Variants in TRMT10B observed in about 807,000 individuals in gnomAD.
The protein encoded by TRMT10B is tRNA methyltransferase 10 homolog B.
Under a neutral mutation model 43.8 loss-of-function variants are expected in TRMT10B, and 33 were observed. That is an observed-to-expected ratio of 0.75 (90% CI 0.57 to 1.01). The LOEUF (loss-of-function observed/expected upper bound fraction) is 1.01, where lower values mean the gene tolerates loss of function less well. TRMT10B is among the 50% of genes least tolerant of loss of function. The pLI, the probability that TRMT10B is intolerant of heterozygous loss-of-function variation, is 0.00. For missense variants in TRMT10B, 362 were observed against 369.8 expected, an observed-to-expected ratio of 0.98 and a Z score of 0.17; for synonymous variants, 137 against 130.6, an observed-to-expected ratio of 1.05 and a Z score of -0.34.
At chr9:37,754,767 CA>C (rs1297719963) in intron 1 of TRMT10B, among the ~76,000 whole-genome samples, 1 of 152,172 alleles carries the variant, frequency 6.6e-6, no homozygotes, top group Non-Finnish European at 1.5e-5. Flanking sequence ...AATGAATATT[CA>C]GCATCGGACC....
chr9:37,759,832 C>T (rs1253108684), intron 1 of TRMT10B, among the ~76,000 whole-genome samples: 3 of 152,124 alleles, frequency 2.0e-5, no homozygotes, highest in Non-Finnish European at 4.4e-5. Context: ...CAAAAACTTT[C>T]TGCGGTGATG....
chr9:37,773,971 A>C (rs1827859919), intron 7 of TRMT10B, among the ~76,000 whole-genome samples: 1 of 150,166 alleles, frequency 6.7e-6, no homozygotes, highest in South Asian at 2.1e-4. Flanking sequence ...AAAAAAAAAA[A>C]AAACAACAAT....
chr9:37,766,581 T>C (rs972517201), intron 4 of TRMT10B, among the ~76,000 whole-genome samples: 7 of 152,214 alleles, frequency 4.6e-5, no homozygotes, highest in Non-Finnish European at 8.8e-5. Context: ...TGGTTCCATA[T>C]GAACTTTAAA....
intron 7 of TRMT10B, among the ~76,000 whole-genome samples, chr9:37,775,699 A>T (rs1589048647): frequency 1.3e-5 from 2 of 151,776 alleles, no homozygotes; most frequent in East Asian, 3.9e-4. Context: ...ACACCCTGTT[A>T]ATTTTTTTTT....
At position 37,770,740 on chromosome 9, in the gene TRMT10B, G is replaced by C. The variant is rs760234389; in HGVS notation, c.720+1G>C. 2 of 1,613,692 alleles carry C rather than the reference G, an allele frequency of 1.2e-6. No homozygotes were observed. The highest frequency in any genetic ancestry group is 1.7e-6 in the Non-Finnish European group (2 of 1,179,952). On this transcript the variant is annotated splice_donor_variant, in intron 7 of 8. Coordinates refer to ENST00000297994, the MANE Select transcript of TRMT10B (RefSeq NM_144964.4). LOFTEE classifies it high-confidence loss of function. Reference sequence around the variant, plus strand: ...GCTTGTGGATGAAAGCATTCAGAAGGTAAGTATACATTTCAGCCCCAACAT... The same window carrying C: ...GCTTGTGGATGAAAGCATTCAGAAGCTAAGTATACATTTCAGCCCCAACAT...
chr9:37,765,597 T>C (rs1290860253), intron 4 of TRMT10B, among the ~76,000 whole-genome samples: 3 of 152,236 alleles, frequency 2.0e-5, no homozygotes, highest in Admixed American at 2.0e-4. Context: ...TTTGGGTATA[T>C]ACCCAGTAAT....
At chr9:37,762,489 A>G (rs1826457108) in intron 2 of TRMT10B, 88 bp from the exon 3 acceptor site, 1 of 1,487,036 alleles carries the variant, frequency 6.7e-7, no homozygotes, top group African/African-American at 1.4e-5. Flanking sequence ...ATATATAAAT[A>G]AGAAAAAAGC....
chr9:37,765,878 A>G (rs1218506831), intron 4 of TRMT10B, among the ~76,000 whole-genome samples: 1 of 150,248 alleles, frequency 6.7e-6, no homozygotes, highest in African/African-American at 2.4e-5. Flanking sequence ...GGCTGCATAA[A>G]TGTCGTCTTT....
At chr9:37,764,038 C>A (rs1826710129) in intron 4 of TRMT10B, among the ~76,000 whole-genome samples, 1 of 152,194 alleles carries the variant, frequency 6.6e-6, no homozygotes, top group South Asian at 2.1e-4. Flanking sequence ...TGGATGGAAC[C>A]TTTCAGGTTC....
At chr9:37,766,740 CTCTTT>C (rs1827026088) in intron 4 of TRMT10B, among the ~76,000 whole-genome samples, 2 of 152,098 alleles carry the variant, frequency 1.3e-5, no homozygotes, top group Admixed American at 6.5e-5. Flanking sequence ...TGTTTGTATC[CTCTTT>C]TATTTCATTG....
chr9:37,761,691 C>T (rs10973527), intron 1 of TRMT10B, among the ~76,000 whole-genome samples: 58,027 of 151,978 alleles, frequency 0.38, 11,521 homozygotes, highest in African/African-American at 0.49. Context: ...AGAGCAAAAC[C>T]GTCTCAAACA....
rs369983744 is a variant in TRMT10B at position 37,776,399 on chromosome 9, A to T, written c.838A>T (p.Asn280Tyr). 12 of 1,608,752 alleles carry T rather than the reference A, an allele frequency of 7.5e-6. 1 individual carries two copies. The highest frequency in any genetic ancestry group is 8.5e-6 in the Non-Finnish European group (10 of 1,178,270). Residue 280 changes from asparagine to tyrosine, a missense_variant, in exon 8 of 9, where the codon AAT (asparagine) becomes TAT (tyrosine). Asn to Tyr is a moderately radical substitution (Grantham distance 143). Transcript: ENST00000297994. ...KNYHSEILAI[N>Y]QVFDILSTYL... ...CTATCATTCAGAGATACTGGCCATCAATCAAGGTACTTCTTACACGGCCCC... is the reference window on the plus strand; with the variant it reads ...CTATCATTCAGAGATACTGGCCATCTATCAAGGTACTTCTTACACGGCCCC...
At chr9:37,753,398 C>G (rs940831893), upstream of TRMT10B, among the ~76,000 whole-genome samples, 1 of 152,342 alleles carries the variant, frequency 6.6e-6, no homozygotes, top group Admixed American at 6.5e-5. Flanking sequence ...TGTCCAACCG[C>G]CCCGCTCCAC....
At chr9:37,762,170 A>AC (rs1826414282) in intron 2 of TRMT10B, 53 bp downstream of exon 2, 2 of 1,542,018 alleles carry the variant, frequency 1.3e-6, no homozygotes, top group Non-Finnish European at 1.8e-6. Flanking sequence ...ATGTCTCAAG[A>AC]CACCCCTGTT....
intron 1 of TRMT10B, among the ~76,000 whole-genome samples, chr9:37,755,042 AGGTGGGTC>A (rs957610162): frequency 2.6e-5 from 4 of 152,102 alleles, no homozygotes. Context: ...AGGCCCAGAC[AGGTGGGTC>A]GCGAGGTCAG....
intron 7 of TRMT10B, among the ~76,000 whole-genome samples, chr9:37,775,008 T>C (rs1827988851): frequency 6.6e-6 from 1 of 152,202 alleles, no homozygotes; most frequent in South Asian, 2.1e-4. Context: ...ATGGCCATCT[T>C]TTGGAAGGGC....
At chr9:37,759,746 G>A (rs571246204) in intron 1 of TRMT10B, among the ~76,000 whole-genome samples, 4 of 152,292 alleles carry the variant, frequency 2.6e-5, no homozygotes, top group Admixed American at 6.5e-5. Flanking sequence ...GAACTCAGGA[G>A]GCGGAGGTTC....
chr9:37,762,214 G>A (rs766017557), intron 2 of TRMT10B, 97 bp downstream of exon 2: 232 of 1,319,340 alleles, frequency 1.8e-4, no homozygotes, highest in Non-Finnish European at 2.2e-4. Context: ...AAAGAGAGAC[G>A]GAATGAGTTT....
intron 5 of TRMT10B, 61 bp downstream of exon 5, chr9:37,768,289 ATTTT>A (rs761606274): frequency 7.2e-7 from 1 of 1,380,070 alleles, no homozygotes. Flanking sequence ...GGTTAATAGT[ATTTT>A]TTTTTTACTT....
Sources: gnomAD v4.1 joint callset for allele counts (sites outside exome capture counted in the v4.1 genomes callset) on GRCh38, gnomAD v4.1.1 for gene constraint, MANE v1.5 for transcripts, NCBI Gene and HGNC (gene_info 2026-07-23, HGNC 2026-07-21) for gene names.